Variants in DCDC1 observed in about 807,000 individuals in gnomAD.
The protein encoded by DCDC1 is doublecortin domain containing 1.
DCDC1 carries 200 observed loss-of-function variants against 178.3 expected under a neutral mutation model. That is an observed-to-expected ratio of 1.12 (90% confidence interval 1.00 to 1.26). DCDC1 has a LOEUF of 1.26. Ranked by LOEUF, DCDC1 falls within the 50% of genes most tolerant of loss-of-function variation. The probability of loss-of-function intolerance (pLI) is 0.00; values close to 1 mark genes in which losing one functional copy is unlikely to be tolerated. For synonymous variants in DCDC1, 690 were observed against 604.8 expected (o/e 1.14, Z -2.07); for missense variants, 1,983 against 1,749.2 (o/e 1.13, Z -2.38).
At chr11:31,342,868 T>C (rs1351914888) in intron 1 of DCDC1, among the ~76,000 whole-genome samples, 1 of 152,092 alleles carries the variant, frequency 6.6e-6, no homozygotes, top group Non-Finnish European at 1.5e-5. Flanking sequence ...AAAACAGAAA[T>C]AGTTTTATTT....
At chr11:30,916,007 A>G (rs944490026) in intron 26 of DCDC1, among the ~76,000 whole-genome samples, 2 of 152,220 alleles carry the variant, frequency 1.3e-5, no homozygotes, top group African/African-American at 4.8e-5. Context: ...AGGTAATTTA[A>G]AGAGGAAAAA....
At chr11:31,276,990 A>G (rs937665041) in intron 7 of DCDC1, among the ~76,000 whole-genome samples, 5 of 152,144 alleles carry the variant, frequency 3.3e-5, no homozygotes, top group Non-Finnish European at 5.9e-5. Flanking sequence ...TTGATTTATA[A>G]TGTACATGAA....
intron 9 of DCDC1, among the ~76,000 whole-genome samples, chr11:31,219,629 T>C (rs1352545503): frequency 6.6e-6 from 1 of 152,208 alleles, no homozygotes; most frequent in Non-Finnish European, 1.5e-5. Flanking sequence ...TTTCATTCTT[T>C]CACTGGTTTA....
intron 20 of DCDC1, among the ~76,000 whole-genome samples, chr11:30,974,616 A>T (rs1038842296): frequency 3.3e-5 from 5 of 152,108 alleles, no homozygotes; most frequent in African/African-American, 1.2e-4. Context: ...CCTAGAGGGA[A>T]TGGGTAAATT....
intron 3 of DCDC1, among the ~76,000 whole-genome samples, chr11:31,314,021 G>C (rs1470503855): frequency 6.6e-6 from 1 of 152,144 alleles, no homozygotes; most frequent in South Asian, 2.1e-4. Context: ...AACAGACAAA[G>C]TAGTTCCTTT....
At chr11:31,046,510 G>A (rs2135384696) in intron 20 of DCDC1, among the ~76,000 whole-genome samples, 1 of 151,642 alleles carries the variant, frequency 6.6e-6, no homozygotes, top group Non-Finnish European at 1.5e-5. Context: ...TCCAGTGGTA[G>A]ACATGGGTTC....
chr11:31,300,607 T>C (rs1948039731), intron 6 of DCDC1, among the ~76,000 whole-genome samples: 2 of 152,162 alleles, frequency 1.3e-5, no homozygotes, highest in East Asian at 1.9e-4. Context: ...TAAACAATAA[T>C]GCATTTCTCA....
chr11:31,090,217 A>G (rs1315052736), intron 17 of DCDC1, among the ~76,000 whole-genome samples: 1 of 152,040 alleles, frequency 6.6e-6, no homozygotes, highest in African/African-American at 2.4e-5. Flanking sequence ...TTCCTTTCCC[A>G]TCTGCCTGAT....
chr11:31,363,328 A>G (rs758075083), intron 1 of DCDC1, among the ~76,000 whole-genome samples: 2 of 152,146 alleles, frequency 1.3e-5, no homozygotes, highest in African/African-American at 4.8e-5. Context: ...AAAAACCTAT[A>G]ATAATGACAC....
intron 9 of DCDC1, among the ~76,000 whole-genome samples, chr11:31,196,988 AAG>A (rs1255120243): frequency 6.6e-6 from 1 of 152,122 alleles, no homozygotes; most frequent in African/African-American, 2.4e-5. Context: ...ACCTGGGACA[AAG>A]AGCAAATATT....
At chr11:30,880,613 C>G (rs1385260559) in intron 37 of DCDC1, among the ~76,000 whole-genome samples, 1 of 152,076 alleles carries the variant, frequency 6.6e-6, no homozygotes, top group Non-Finnish European at 1.5e-5. Flanking sequence ...TACCTACCTA[C>G]AAATACTGGC....
At chr11:31,031,592 CTT>C (rs1953649126) in intron 20 of DCDC1, among the ~76,000 whole-genome samples, 1 of 151,932 alleles carries the variant, frequency 6.6e-6, no homozygotes, top group African/African-American at 2.4e-5. Context: ...AATGTACACA[CTT>C]ATTGTATAAG....
intron 30 of DCDC1, 23 bp downstream of exon 30, chr11:30,906,517 G>T (rs1243977840): frequency 6.9e-6 from 11 of 1,601,480 alleles, no homozygotes; most frequent in Non-Finnish European, 9.4e-6. Context: ...ACATGCATTA[G>T]CAGAGCTCAG....
Position 30,917,107 on chromosome 11 carries a change from A to G in DCDC1, c.3294-79T>C, listed in dbSNP as rs530375277. Reference sequence around the variant, plus strand: ...GAATTTTTTTCTGAGGTGTAGTCTGATCATATTCCACAGGATGTTGGTGGA... The same window carrying G: ...GAATTTTTTTCTGAGGTGTAGTCTGGTCATATTCCACAGGATGTTGGTGGA... On this transcript the variant is annotated intron_variant, in intron 25 of 38. Transcript: ENST00000684477. 132 of 1,360,618 alleles carry G rather than the reference A, an allele frequency of 9.7e-5. 1 individual carries two copies. In the South Asian group the frequency reaches 2.3e-3, roughly 24 times the overall value. The allele number at this position is 1,360,618 out of a possible 1,614,324, so 84.3% of individuals were successfully genotyped here. A position where few individuals can be genotyped will look rare whatever the true frequency, so the allele number is the denominator to read the frequency against.
intron 9 of DCDC1, among the ~76,000 whole-genome samples, chr11:31,169,875 C>T (rs1179947046): frequency 6.6e-6 from 1 of 152,064 alleles, no homozygotes; most frequent in Non-Finnish European, 1.5e-5. Context: ...CTTGGAGAGA[C>T]AAAGATTTTG....
chr11:31,091,276 A>G, intron 17 of DCDC1, 117 bp downstream of exon 17: 1 of 564,612 alleles, frequency 1.8e-6, no homozygotes, highest in South Asian at 2.3e-5. Flanking sequence ...TATTATGAAC[A>G]CAAATTTAAA....
At chr11:31,119,004 AT>A (rs908772758) in intron 11 of DCDC1, among the ~76,000 whole-genome samples, 12 of 152,152 alleles carry the variant, frequency 7.9e-5, no homozygotes, top group African/African-American at 2.9e-4. Context: ...ATATACTGGC[AT>A]TTTCCCCCCA....
intron 6 of DCDC1, among the ~76,000 whole-genome samples, chr11:31,304,033 G>A (rs1054784673): frequency 2.6e-5 from 4 of 152,160 alleles, no homozygotes; most frequent in Non-Finnish European, 5.9e-5. Flanking sequence ...CACAGCCAAA[G>A]ATACGCAGAC....
intron 27 of DCDC1, among the ~76,000 whole-genome samples, chr11:30,914,082 C>T (rs273611): frequency 0.1 from 15,259 of 152,314 alleles, 946 homozygotes; most frequent in Admixed American, 0.19. Context: ...AAACACTGCC[C>T]TCAATAACCC....
Sources: gnomAD v4.1 joint callset for allele counts (sites outside exome capture counted in the v4.1 genomes callset) on GRCh38, gnomAD v4.1.1 for gene constraint, MANE v1.5 for transcripts, NCBI Gene and HGNC (gene_info 2026-07-23, HGNC 2026-07-21) for gene names.